The following SCHIP1 variants were observed in gnomAD, a reference collection of about 807,000 sequenced individuals.
SCHIP1 encodes schwannomin interacting protein 1, also known as schwannomin-interacting protein 1.
A neutral mutation model predicts 29.7 loss-of-function variants in SCHIP1; 8 were observed. The ratio of observed to expected loss-of-function variants is 0.27; its 90% CI spans 0.16 to 0.49. The LOEUF (loss-of-function observed/expected upper bound fraction) is 0.49, where lower values mean the gene tolerates loss of function less well. SCHIP1 is among the 20% of genes least tolerant of loss of function. The probability of loss-of-function intolerance (pLI) is 0.99; values close to 1 mark genes in which losing one functional copy is unlikely to be tolerated. For missense variants in SCHIP1, 193 were observed against 294.6 expected (o/e 0.66, Z 2.52); for synonymous variants, 76 against 94.9 (o/e 0.80, Z 1.16).
At chr3:159,692,792 A>G in the SCHIP1 span, among the ~76,000 whole-genome samples, 27 of 152,232 alleles carry the variant, frequency 1.8e-4, no homozygotes, top group Non-Finnish European at 3.2e-4. Flanking sequence ...TCAAAATATT[A>G]TTCTGCTGTA....
the SCHIP1 span, among the ~76,000 whole-genome samples, chr3:159,640,544 C>A: frequency 6.6e-6 from 1 of 152,072 alleles, no homozygotes; most frequent in Non-Finnish European, 1.5e-5. Context: ...TATACGTGTA[C>A]ACACAAAAAA....
chr3:159,873,535 A>C (rs901662310), intron 2 of SCHIP1, among the ~76,000 whole-genome samples: 12 of 152,250 alleles, frequency 7.9e-5, no homozygotes, highest in African/African-American at 2.9e-4. Context: ...ACAAGTTGTT[A>C]AATGAAAGCT....
the SCHIP1 span, among the ~76,000 whole-genome samples, chr3:159,535,827 C>CTG: frequency 6.6e-6 from 1 of 151,978 alleles, no homozygotes; most frequent in Non-Finnish European, 1.5e-5. Context: ...GTGTGTGTGT[C>CTG]TGTGTGTGTG....
chr3:159,606,838 G>T, the SCHIP1 span, among the ~76,000 whole-genome samples: 1 of 152,182 alleles, frequency 6.6e-6, no homozygotes, highest in Non-Finnish European at 1.5e-5. Context: ...CCTTCCATTG[G>T]CTGAATCCAA....
At chr3:159,721,866 C>A in the SCHIP1 span, 8 of 406,800 alleles carry the variant, frequency 2.0e-5, no homozygotes, top group African/African-American at 1.7e-4. Context: ...CTTGGGGATG[C>A]CACTCAGCAT....
chr3:159,801,251 T>G, the SCHIP1 span, among the ~76,000 whole-genome samples: 2 of 152,356 alleles, frequency 1.3e-5, no homozygotes, highest in East Asian at 3.9e-4. Flanking sequence ...TAACAGTTAC[T>G]GTAAGTAAGA....
chr3:159,772,316 A>G, the SCHIP1 span, among the ~76,000 whole-genome samples: 9 of 152,208 alleles, frequency 5.9e-5, no homozygotes, highest in South Asian at 4.2e-4. Context: ...ACCATGCCCA[A>G]CTAACTTTTT....
the SCHIP1 span, among the ~76,000 whole-genome samples, chr3:159,286,237 C>G: frequency 6.6e-6 from 1 of 152,084 alleles, no homozygotes; most frequent in Non-Finnish European, 1.5e-5. Flanking sequence ...CCTCCAGCTT[C>G]AAGTAGGCCC....
the SCHIP1 span, among the ~76,000 whole-genome samples, chr3:159,462,943 T>A: frequency 6.6e-6 from 1 of 152,102 alleles, no homozygotes; most frequent in Non-Finnish European, 1.5e-5. Flanking sequence ...TAGGTAAGTA[T>A]GGTACATGCA....
the SCHIP1 span, among the ~76,000 whole-genome samples, chr3:159,577,814 A>C: frequency 2.6e-5 from 4 of 152,236 alleles, no homozygotes; most frequent in Admixed American, 6.5e-5. Flanking sequence ...AGGATTTGCC[A>C]TAGAAAATCC....
chr3:159,838,412 C>T (rs1047063135), upstream of SCHIP1, among the ~76,000 whole-genome samples: 4 of 152,166 alleles, frequency 2.6e-5, no homozygotes, highest in Non-Finnish European at 5.9e-5. Context: ...GTCAGTAGCA[C>T]AGTGAAACTG....
chr3:159,479,742 A>T, the SCHIP1 span, among the ~76,000 whole-genome samples: 1 of 152,112 alleles, frequency 6.6e-6, no homozygotes, highest in African/African-American at 2.4e-5. Context: ...CACCAAGGAG[A>T]TATGTAGGAG....
chr3:159,416,491 C>T, the SCHIP1 span, among the ~76,000 whole-genome samples: 3 of 152,180 alleles, frequency 2.0e-5, no homozygotes, highest in Admixed American at 6.5e-5. Context: ...ACATAACAGG[C>T]TTTTAAATTC....
the SCHIP1 span, among the ~76,000 whole-genome samples, chr3:159,286,691 CAGTGTGTA>C: frequency 2.0e-5 from 3 of 152,280 alleles, no homozygotes; most frequent in African/African-American, 7.2e-5. Context: ...TTTCTACCAG[CAGTGTGTA>C]AGTGTTCCCT....
At chr3:159,426,410 A>C in the SCHIP1 span, among the ~76,000 whole-genome samples, 1 of 152,234 alleles carries the variant, frequency 6.6e-6, no homozygotes, top group South Asian at 2.1e-4. Context: ...AAACACCTCT[A>C]TGCAAATAAA....
At chr3:159,364,763 G>A in the SCHIP1 span, among the ~76,000 whole-genome samples, 14 of 152,170 alleles carry the variant, frequency 9.2e-5, no homozygotes, top group African/African-American at 3.1e-4. Context: ...CTCACCAAAA[G>A]TCCTCCACTT....
the SCHIP1 span, among the ~76,000 whole-genome samples, chr3:159,402,573 C>T: frequency 2.6e-5 from 4 of 152,156 alleles, no homozygotes; most frequent in Non-Finnish European, 5.9e-5. Flanking sequence ...AAATGTGGCA[C>T]ATATACACCA....
chr3:159,728,459 C>T, the SCHIP1 span, among the ~76,000 whole-genome samples: 1 of 152,190 alleles, frequency 6.6e-6, no homozygotes, highest in Non-Finnish European at 1.5e-5. Context: ...CTGCCAACTT[C>T]CAGTAATGTC....
the SCHIP1 span, among the ~76,000 whole-genome samples, chr3:159,772,752 A>T: frequency 1.6e-4 from 24 of 151,886 alleles, no homozygotes; most frequent in Middle Eastern, 3.2e-3. Flanking sequence ...TTATTTATTT[A>T]TTTTTTGAGA....
Sources: gnomAD v4.1 joint callset for allele counts (sites outside exome capture counted in the v4.1 genomes callset) on GRCh38, gnomAD v4.1.1 for gene constraint, MANE v1.5 for transcripts, NCBI Gene and HGNC (gene_info 2026-07-23, HGNC 2026-07-21) for gene names.